Variants in RBFOX2 observed in about 807,000 individuals in gnomAD.
RBFOX2 encodes the protein RNA binding fox-1 homolog 2, also known as RNA binding protein fox-1 homolog 2.
Under a neutral mutation model 49.1 loss-of-function variants are expected in RBFOX2, and 10 were observed. That is an observed-to-expected ratio of 0.20 (90% CI 0.13 to 0.35). The LOEUF is 0.35. Ranked by LOEUF, RBFOX2 falls within the 10% of genes least tolerant of loss-of-function variation. RBFOX2 has a pLI of 1.00. For missense variants in RBFOX2, 323 were observed against 486.9 expected (o/e 0.66, Z 3.17); for synonymous variants, 183 against 187.4 (o/e 0.98, Z 0.19).
intron 1 of RBFOX2, among the ~76,000 whole-genome samples, chr22:35,975,134 T>A (rs1277362096): frequency 6.6e-6 from 1 of 152,214 alleles, no homozygotes; most frequent in Non-Finnish European, 1.5e-5. Context: ...AAGCCCCAGT[T>A]TTTTATTGTT....
intron 1 of RBFOX2, among the ~76,000 whole-genome samples, chr22:35,959,333 T>C (rs1221997815): frequency 6.6e-6 from 1 of 152,182 alleles, no homozygotes; most frequent in Non-Finnish European, 1.5e-5. Flanking sequence ...TTCTGTTACA[T>C]GTTACGCAGC....
intron 1 of RBFOX2, among the ~76,000 whole-genome samples, chr22:35,828,920 A>G (rs1956288068): frequency 6.6e-6 from 1 of 151,980 alleles, no homozygotes; most frequent in South Asian, 2.1e-4. Flanking sequence ...GCGTGGTGGT[A>G]CGCACCTGTA....
At chr22:35,979,077 G>C (rs555865634) in intron 1 of RBFOX2, among the ~76,000 whole-genome samples, 2 of 152,198 alleles carry the variant, frequency 1.3e-5, no homozygotes, top group Admixed American at 1.3e-4. Context: ...GGGATGCGGG[G>C]GACAGCATTT....
intron 2 of RBFOX2, among the ~76,000 whole-genome samples, chr22:35,784,043 G>A (rs532604055): frequency 6.6e-6 from 1 of 152,342 alleles, no homozygotes; most frequent in African/African-American, 2.4e-5. Context: ...GACATGCGCT[G>A]AAGCGGGCAG....
intron 1 of RBFOX2, among the ~76,000 whole-genome samples, chr22:36,018,016 C>A (rs2059108566): frequency 6.6e-6 from 1 of 152,170 alleles, no homozygotes; most frequent in Admixed American, 6.5e-5. Flanking sequence ...AGAAAGCAGA[C>A]CAAGGGCCAG....
At chr22:35,741,911 C>T (rs1930149195) in exon 12 of RBFOX2, 1 of 152,460 alleles carries the variant, frequency 6.6e-6, no homozygotes, top group African/African-American at 2.4e-5. Context: ...AGAATTTGGC[C>T]TAGTCTCCAC....
intron 1 of RBFOX2, among the ~76,000 whole-genome samples, chr22:35,829,094 C>T (rs559087534): frequency 3.0e-4 from 45 of 152,002 alleles, no homozygotes; most frequent in Middle Eastern, 3.4e-3. Flanking sequence ...ACCCAAGACC[C>T]GAAAGGATCA....
At chr22:35,811,389 T>C (rs1951836029) in intron 1 of RBFOX2, among the ~76,000 whole-genome samples, 1 of 151,984 alleles carries the variant, frequency 6.6e-6, no homozygotes, top group Admixed American at 6.6e-5. Context: ...GTGGTGTCCT[T>C]ATAAGAAAAG....
chr22:35,854,402 T>C (rs2042286188), intron 1 of RBFOX2, among the ~76,000 whole-genome samples: 1 of 151,912 alleles, frequency 6.6e-6, no homozygotes, highest in South Asian at 2.1e-4. Context: ...CTGGTCAACA[T>C]ATTAAGACCC....
chr22:35,767,283 T>C (rs1015785554), intron 5 of RBFOX2, among the ~76,000 whole-genome samples: 6 of 152,328 alleles, frequency 3.9e-5, no homozygotes, highest in Admixed American at 1.3e-4. Context: ...TAATGTGAGA[T>C]GGCAGATGGA....
chr22:35,743,649 T>C (rs1287862420), exon 12 of RBFOX2: 1 of 152,534 alleles, frequency 6.6e-6, no homozygotes, highest in Non-Finnish European at 1.5e-5. Context: ...TAAGCACAAA[T>C]TCCTATCTAT....
At chr22:35,968,970 C>T (rs763460318) in intron 1 of RBFOX2, among the ~76,000 whole-genome samples, 11 of 152,290 alleles carry the variant, frequency 7.2e-5, no homozygotes, top group Admixed American at 2.6e-4. Flanking sequence ...TGTCTCTGCT[C>T]AAGCAAATCA....
At chr22:36,027,033 G>C (rs2059465311) in intron 1 of RBFOX2, among the ~76,000 whole-genome samples, 1 of 152,090 alleles carries the variant, frequency 6.6e-6, no homozygotes, top group Non-Finnish European at 1.5e-5. Flanking sequence ...TTTACTATTA[G>C]CTAACTGGGT....
chr22:36,001,789 C>T (rs1290868798), intron 1 of RBFOX2, among the ~76,000 whole-genome samples: 2 of 151,726 alleles, frequency 1.3e-5, no homozygotes, highest in Admixed American at 6.6e-5. Flanking sequence ...CCGGGCCAGA[C>T]GTGGTGGCTC....
At chr22:35,771,783 A>C (rs1942741474) in intron 4 of RBFOX2, among the ~76,000 whole-genome samples, 1 of 152,212 alleles carries the variant, frequency 6.6e-6, no homozygotes, top group African/African-American at 2.4e-5. Context: ...AGAATATACT[A>C]TTTCTTCAAT....
chr22:35,792,330 A>AAAAAAGAAAAG (rs1555915604), intron 2 of RBFOX2, among the ~76,000 whole-genome samples: 2 of 136,406 alleles, frequency 1.5e-5, no homozygotes, highest in African/African-American at 2.9e-5. Context: ...AAAAAAAAAA[A>AAAAAAGAAAAG]AAAAGAAAAG....
At chr22:36,026,063 G>C (rs897510808) in intron 1 of RBFOX2, among the ~76,000 whole-genome samples, 3 of 152,036 alleles carry the variant, frequency 2.0e-5, no homozygotes, top group Admixed American at 6.6e-5. Flanking sequence ...TCAGGAGTTC[G>C]AGACCAGCCT....
intron 4 of RBFOX2, among the ~76,000 whole-genome samples, chr22:35,772,878 T>C (rs1352451424): frequency 6.6e-6 from 1 of 152,026 alleles, no homozygotes; most frequent in African/African-American, 2.4e-5. Context: ...ATTATTAAAA[T>C]TTGTATAATT....
chr22:35,909,595 T>C (rs1039567418), intron 1 of RBFOX2, among the ~76,000 whole-genome samples: 1 of 152,176 alleles, frequency 6.6e-6, no homozygotes, highest in Admixed American at 6.5e-5. Context: ...CAATCTATCA[T>C]GAAAAGTGCA....
Sources: gnomAD v4.1 joint callset for allele counts (sites outside exome capture counted in the v4.1 genomes callset) on GRCh38, gnomAD v4.1.1 for gene constraint, MANE v1.5 for transcripts, NCBI Gene and HGNC (gene_info 2026-07-23, HGNC 2026-07-21) for gene names.